ZNF330: variants seen among roughly 807,000 people sequenced by gnomAD.
The protein encoded by ZNF330 is nucleolar atypical zinc finger.
In ZNF330, 31 loss-of-function variants were observed where a neutral mutation model predicts 45.5. That is an observed-to-expected ratio of 0.68 (90% CI 0.51 to 0.92). The LOEUF (loss-of-function observed/expected upper bound fraction) is 0.92, where lower values mean the gene tolerates loss of function less well. Ranked by LOEUF, ZNF330 falls within the 40% of genes least tolerant of loss-of-function variation. The probability of loss-of-function intolerance (pLI) is 0.00; values close to 1 mark genes in which losing one functional copy is unlikely to be tolerated. For missense variants in ZNF330, 356 were observed against 387.4 expected, an observed-to-expected ratio of 0.92 and a Z score of 0.68; for synonymous variants, 138 against 123.2, an observed-to-expected ratio of 1.12 and a Z score of -0.79.
chr4:141,230,388 C>T, intron 7 of ZNF330, 118 bp downstream of exon 7: 2 of 569,768 alleles, frequency 3.5e-6, no homozygotes, highest in East Asian at 5.8e-5. Context: ...TGTAATTTAA[C>T]TCAGTCTTTA....
intron 5 of ZNF330, among the ~76,000 whole-genome samples, chr4:141,227,264 A>C (rs2111252246): frequency 6.6e-6 from 1 of 151,886 alleles, no homozygotes; most frequent in Non-Finnish European, 1.5e-5. Context: ...TATATCTCCT[A>C]ATGCTATCCC....
intron 6 of ZNF330, 96 bp downstream of exon 6, chr4:141,229,793 G>A (rs1728906094): frequency 6.8e-7 from 1 of 1,473,468 alleles, no homozygotes; most frequent in East Asian, 2.3e-5. Context: ...TCAGGATACT[G>A]TCAATCCTAA....
At chr4:141,232,702 CTT>C (rs367794846) in intron 9 of ZNF330, 60 bp downstream of exon 9, 902 of 709,562 alleles carry the variant, frequency 1.3e-3, no homozygotes, top group South Asian at 2.0e-3. Context: ...CAAAGTTTAT[CTT>C]TTTTTTTTTT....
chr4:141,226,159 G>C (rs999849334), intron 4 of ZNF330, among the ~76,000 whole-genome samples: 1 of 152,076 alleles, frequency 6.6e-6, no homozygotes, highest in African/African-American at 2.4e-5. Flanking sequence ...GTGGCTGTGT[G>C]GTGATTTGTA....
At chr4:141,225,359 C>T (rs1298526777) in intron 4 of ZNF330, among the ~76,000 whole-genome samples, 1 of 151,946 alleles carries the variant, frequency 6.6e-6, no homozygotes, top group South Asian at 2.1e-4. Flanking sequence ...TATCGATATA[C>T]ATTTGAGAAA....
intron 4 of ZNF330, among the ~76,000 whole-genome samples, chr4:141,226,131 T>C (rs1052212243): frequency 6.6e-6 from 1 of 152,150 alleles, no homozygotes. Flanking sequence ...TTTAATTTGC[T>C]TCTAGATCAG....
chr4:141,231,761 ATGAGAGTCTATTT>A (rs1728965314), intron 8 of ZNF330, among the ~76,000 whole-genome samples: 1 of 152,044 alleles, frequency 6.6e-6, no homozygotes, highest in Non-Finnish European at 1.5e-5. Flanking sequence ...GACCAAGATG[ATGAGAGTCTATTT>A]TAATTAATGT....
At chr4:141,224,720 G>A (rs775534829) in intron 4 of ZNF330, 43 bp downstream of exon 4, 6 of 1,552,160 alleles carry the variant, frequency 3.9e-6, no homozygotes, top group South Asian at 1.1e-5. Flanking sequence ...TTATCAACTG[G>A]TAGTTCAACA....
chr4:141,229,164 T>C (rs2111255189), intron 5 of ZNF330, among the ~76,000 whole-genome samples: 1 of 152,216 alleles, frequency 6.6e-6, no homozygotes, highest in South Asian at 2.1e-4. Context: ...AAATCAGAAA[T>C]GGTAGTATTT....
At position 141,229,123 on chromosome 4, in the gene ZNF330, A is replaced by G. The variant is rs1291505228; in HGVS notation, c.292-448A>G. Among the ~76,000 whole-genome samples, 3 of 152,100 alleles carry G rather than the reference A, an allele frequency of 2.0e-5. No individual in the cohort carries two copies. The East Asian group carries it at 5.8e-4, about 29-fold the overall frequency. ...ATTTCTCAGTAATTCTAGAAAAGCTATGCAAATATATAGATAAGAAGGTAT... is the reference window on the plus strand; with the variant it reads ...ATTTCTCAGTAATTCTAGAAAAGCTGTGCAAATATATAGATAAGAAGGTAT... On this transcript the variant is annotated intron_variant, in intron 5 of 9. Coordinates refer to ENST00000262990, the MANE Select transcript of ZNF330 (RefSeq NM_014487.6).
At chr4:141,222,313 T>C (rs1728698466) in intron 1 of ZNF330, 53 bp from the exon 2 acceptor site, 1 of 1,577,534 alleles carries the variant, frequency 6.3e-7, no homozygotes, top group African/African-American at 1.4e-5. Flanking sequence ...TTTATTAAAA[T>C]AGTAAATGCA....
intron 7 of ZNF330, 128 bp from the exon 8 acceptor site, chr4:141,231,311 G>T: frequency 1.6e-6 from 1 of 611,668 alleles, no homozygotes; most frequent in South Asian, 4.0e-5. Flanking sequence ...TATAGCATTT[G>T]AACCCAAAAG....
chr4:141,229,715 A>G lies in ZNF330; in HGVS notation c.418+18A>G. 6.2e-7 allele frequency: 1 copy of G among 1,612,530 alleles called. No homozygotes were observed. The highest frequency in any genetic ancestry group is 8.5e-7 in the Non-Finnish European group (1 of 1,178,978). On this transcript the variant is annotated intron_variant, in intron 6 of 9. Transcript: ENST00000262990. ...GGACCATGGTGAGTCATTAGACACA[A>G]GTAATGAGCTTTGTTATAGGTGAAT...
At position 141,224,674 on chromosome 4, in the gene ZNF330, T is replaced by C. The variant is rs1728759314; in HGVS notation, c.208T>C (p.Cys70Arg). 6.2e-7 allele frequency: 1 copy of C among 1,612,474 alleles called. No homozygotes were observed. Among genetic ancestry groups the C allele is most frequent in the Admixed American group, 1.7e-5 (1 of 59,964 alleles). The change falls in exon 4 of 10, where the codon TGT (cysteine) becomes CGT (arginine). Residue 70 changes from cysteine to arginine, a missense_variant. Transcript: ENST00000262990. ...SVQKLPICAQ[C>R]GKTKCMMKSS... ...ACAGAAGTTACCAATTTGTGCACAG[T>C]GTGGTAAGTTTGTAATAATTAAGGA...
rs1001000446 is a variant in ZNF330 at position 141,224,680 on chromosome 4, A to G, written c.211+3A>G. On this transcript the variant is annotated splice_donor_region_variant and intron_variant, in intron 4 of 9. Coordinates refer to ENST00000262990, the MANE Select transcript of ZNF330 (RefSeq NM_014487.6). ...GTTACCAATTTGTGCACAGTGTGGT[A>G]AGTTTGTAATAATTAAGGACATATG... 6.2e-7 allele frequency: 1 copy of G among 1,612,302 alleles called. No individual in the cohort carries two copies. Among genetic ancestry groups the G allele is most frequent in the Non-Finnish European group, 8.5e-7 (1 of 1,178,844 alleles).
intron 1 of ZNF330, 81 bp from the exon 2 acceptor site, chr4:141,222,285 T>C: frequency 1.3e-6 from 2 of 1,492,124 alleles, no homozygotes; most frequent in East Asian, 2.4e-5. Flanking sequence ...AAGGACACTT[T>C]GTTATACTAT....
intron 7 of ZNF330, among the ~76,000 whole-genome samples, chr4:141,230,615 A>T (rs1728926828): frequency 6.6e-6 from 1 of 151,992 alleles, no homozygotes; most frequent in Non-Finnish European, 1.5e-5. Flanking sequence ...CCCATTTCCA[A>T]ATGCCCTCCC....
chr4:141,223,847 A>G, intron 2 of ZNF330: 2 of 454,876 alleles, frequency 4.4e-6, no homozygotes, highest in Middle Eastern at 6.5e-4. Flanking sequence ...CAGAACTTTC[A>G]ACAGGTAGGA....
chr4:141,226,942 G>T (rs1728819447), intron 5 of ZNF330, 96 bp downstream of exon 5: 3 of 998,876 alleles, frequency 3.0e-6, no homozygotes, highest in South Asian at 3.2e-5. Context: ...TCATTGCTTT[G>T]TCCCTTGTTT....
Sources: gnomAD v4.1 joint callset for allele counts (sites outside exome capture counted in the v4.1 genomes callset) on GRCh38, gnomAD v4.1.1 for gene constraint, MANE v1.5 for transcripts, NCBI Gene and HGNC (gene_info 2026-07-23, HGNC 2026-07-21) for gene names.